Variants in IL12RB2 observed in about 807,000 individuals in gnomAD.
IL12RB2 encodes interleukin-12 receptor subunit beta-2.
Under a neutral mutation model 89.4 loss-of-function variants are expected in IL12RB2, and 82 were observed. The ratio of observed to expected loss-of-function variants is 0.92; its 90% CI spans 0.77 to 1.10. The LOEUF is 1.10. Among genes scored for constraint, IL12RB2 ranks in the 50% least tolerant of loss-of-function variants. The probability of loss-of-function intolerance (pLI) is 0.00; values close to 1 mark genes in which losing one functional copy is unlikely to be tolerated. For synonymous variants in IL12RB2, 368 were observed against 370.1 expected, an observed-to-expected ratio of 0.99 and a Z score of 0.07; for missense variants, 963 against 1,031.9, an observed-to-expected ratio of 0.93 and a Z score of 0.92.
rs986766903 is a variant in IL12RB2 at position 67,397,095 on chromosome 1, C to G, written c.*1006C>G. ...GGGGCTTGCAGTGAGCCACTGCACT[C>G]CAGCCTGGGCAACAGAGCAAGACTC... On this transcript the variant is annotated 3_prime_UTR_variant, in exon 17 of 17. Coordinates refer to ENST00000674203, the MANE Select transcript of IL12RB2 (RefSeq NM_001374259.2). 3.3e-5 allele frequency among the ~76,000 whole-genome samples: 5 copies of G among 151,452 alleles called. No individual in the cohort carries two copies. Among genetic ancestry groups the G allele is most frequent in the Non-Finnish European group, 7.4e-5 (5 of 67,914 alleles).
At chr1:67,318,010 C>A (rs944510409) in intron 2 of IL12RB2, among the ~76,000 whole-genome samples, 1 of 152,052 alleles carries the variant, frequency 6.6e-6, no homozygotes, top group Non-Finnish European at 1.5e-5. Context: ...GGGATAGAGA[C>A]AGTGGTCAGG....
chr1:67,387,847 G>A (rs1665389855), intron 15 of IL12RB2, among the ~76,000 whole-genome samples: 1 of 152,006 alleles, frequency 6.6e-6, no homozygotes, highest in Non-Finnish European at 1.5e-5. Context: ...ATATCAGTTA[G>A]CATTAAATTT....
chr1:67,346,652 C>T (rs141805825), intron 9 of IL12RB2, among the ~76,000 whole-genome samples: 3,796 of 152,238 alleles, frequency 0.025, 135 homozygotes, highest in African/African-American at 0.087. Context: ...TCCCAAAGTG[C>T]TGGGATTACA....
chr1:67,366,529 T>C (rs1662699450), intron 10 of IL12RB2, among the ~76,000 whole-genome samples: 1 of 150,288 alleles, frequency 6.7e-6, no homozygotes, highest in Non-Finnish European at 1.5e-5. Context: ...ACTTTATATA[T>C]ACCAGATTGA....
At chr1:67,331,002 G>A (rs1045924039) in intron 8 of IL12RB2, among the ~76,000 whole-genome samples, 192 bp downstream of exon 8, 3 of 152,164 alleles carry the variant, frequency 2.0e-5, no homozygotes, top group African/African-American at 7.2e-5. Context: ...TGTTTGTGTT[G>A]CAAGGAAATT....
chr1:67,323,142 A>T (rs1384944307), intron 4 of IL12RB2, among the ~76,000 whole-genome samples: 1 of 135,944 alleles, frequency 7.4e-6, no homozygotes, highest in South Asian at 2.1e-4. Context: ...ACCTATAAGG[A>T]TATATATATA....
chr1:67,310,265 G>A (rs1654865835), intron 1 of IL12RB2, among the ~76,000 whole-genome samples: 1 of 149,608 alleles, frequency 6.7e-6, no homozygotes, highest in African/African-American at 2.5e-5. Context: ...AGTTTCTAGT[G>A]TTCTTCGCTA....
intron 8 of IL12RB2, among the ~76,000 whole-genome samples, chr1:67,334,742 G>A (rs1278080431): frequency 6.6e-6 from 1 of 152,140 alleles, no homozygotes; most frequent in Non-Finnish European, 1.5e-5. Context: ...GCCTCCCAAA[G>A]TTCTGGGATT....
chr1:67,376,978 C>A (rs942050428), intron 13 of IL12RB2, among the ~76,000 whole-genome samples: 11 of 152,200 alleles, frequency 7.2e-5, no homozygotes, highest in African/African-American at 2.4e-4. Context: ...AGCAATCTCA[C>A]CAGGCTAGAG....
chr1:67,345,077 A>T (rs989174312), intron 9 of IL12RB2, among the ~76,000 whole-genome samples: 2 of 152,186 alleles, frequency 1.3e-5, no homozygotes, highest in Non-Finnish European at 2.9e-5. Context: ...AGGCTGAGGC[A>T]GGAGAATCAC....
intron 14 of IL12RB2, among the ~76,000 whole-genome samples, chr1:67,383,536 A>G (rs1664826902): frequency 6.6e-6 from 1 of 152,186 alleles, no homozygotes; most frequent in Non-Finnish European, 1.5e-5. Flanking sequence ...TCCACCTATG[A>G]GCCTATAAAA....
intron 14 of IL12RB2, among the ~76,000 whole-genome samples, chr1:67,385,905 T>C (rs1300602087): frequency 6.6e-6 from 1 of 152,136 alleles, no homozygotes; most frequent in Non-Finnish European, 1.5e-5. Context: ...ATTCGCATTT[T>C]ATAGATCAAG....
intron 14 of IL12RB2, among the ~76,000 whole-genome samples, chr1:67,381,428 A>G (rs1664560334): frequency 6.6e-6 from 1 of 152,192 alleles, no homozygotes; most frequent in Admixed American, 6.5e-5. Flanking sequence ...CTCCACTGGG[A>G]AATTGACAAG....
At chr1:67,353,957 G>A (rs1485785062) in intron 10 of IL12RB2, among the ~76,000 whole-genome samples, 2 of 152,140 alleles carry the variant, frequency 1.3e-5, no homozygotes, top group African/African-American at 4.8e-5. Context: ...TTATGTTAGA[G>A]TTCATTTCTA....
chr1:67,367,752 G>T, intron 10 of IL12RB2, 73 bp from the exon 11 acceptor site: 2 of 877,976 alleles, frequency 2.3e-6, no homozygotes, highest in Non-Finnish European at 3.9e-6. Flanking sequence ...TAAGCTGTTT[G>T]GCTTTTTTTG....
At chr1:67,310,769 G>C (rs1654941217) in intron 1 of IL12RB2, among the ~76,000 whole-genome samples, 1 of 152,180 alleles carries the variant, frequency 6.6e-6, no homozygotes, top group South Asian at 2.1e-4. Context: ...GCTGTCGCCA[G>C]GCTGGAGTGC....
At chr1:67,394,524 C>T (rs1269968863) in intron 16 of IL12RB2, among the ~76,000 whole-genome samples, 1 of 152,078 alleles carries the variant, frequency 6.6e-6, no homozygotes, top group Non-Finnish European at 1.5e-5. Flanking sequence ...TTGTCTGTTA[C>T]AAACAAAATT....
chr1:67,352,613 T>G (rs781046702), intron 10 of IL12RB2, among the ~76,000 whole-genome samples: 1 of 152,210 alleles, frequency 6.6e-6, no homozygotes, highest in Non-Finnish European at 1.5e-5. Flanking sequence ...CAATGTTCCC[T>G]TGCTAAAAAA....
At chr1:67,343,669 C>A (rs1208046369) in intron 9 of IL12RB2, among the ~76,000 whole-genome samples, 1 of 152,088 alleles carries the variant, frequency 6.6e-6, no homozygotes, top group Non-Finnish European at 1.5e-5. Context: ...CAATATACTT[C>A]TTTTCTAGTT....
Sources: allele counts gnomAD v4.1 joint callset (sites outside exome capture counted in the v4.1 genomes callset), GRCh38; gene constraint gnomAD v4.1.1; transcripts MANE v1.5; gene names NCBI Gene and HGNC (gene_info 2026-07-23, HGNC 2026-07-21).